Variants in SERPINB1 observed in about 807,000 individuals in gnomAD.
SERPINB1 encodes serpin family B member 1.
Under a neutral mutation model 25.9 loss-of-function variants are expected in SERPINB1, and 23 were observed. That is an observed-to-expected ratio of 0.89 (90% CI 0.64 to 1.26). SERPINB1 has a LOEUF of 1.26. SERPINB1 is among the 50% of genes most tolerant of loss of function. SERPINB1 has a pLI of 0.00. For missense variants in SERPINB1, 399 were observed against 463.6 expected (o/e 0.86, Z 1.28); for synonymous variants, 178 against 178.7 (o/e 1.00, Z 0.03).
intron 6 of SERPINB1, among the ~76,000 whole-genome samples, chr6:2,835,078 A>C (rs191271424): frequency 3.2e-4 from 48 of 152,356 alleles, no homozygotes; most frequent in Non-Finnish European, 5.0e-4. Flanking sequence ...ACAATGTATT[A>C]AAAGTCTGTA....
chr6:2,837,967 A>C lies in SERPINB1; in HGVS notation c.339T>G (p.Gly113=), dbSNP rs768545231. 12 of 1,613,796 alleles carry C rather than the reference A, an allele frequency of 7.4e-6. No individual in the cohort carries two copies. In the East Asian group the frequency reaches 1.3e-4, roughly 18 times the overall value. ...GAAAATCCACACTGGCCAGGTCAGC[A>C]CCATATGTTTTCTGAGTCGAAACCA... ...EFLVSTQKTY[G]ADLASVDFQH... is the part of the protein sequence containing the mutation. Residue 113 remains glycine, a synonymous_variant, in exon 4 of 7, where the codon GGT becomes GGG. Transcript: ENST00000380739. The surrounding 1 kb of genome is among the most constrained non-coding windows in gnomAD (Gnocchi z 4.3).
intron 3 of SERPINB1, 148 bp from the exon 4 acceptor site, chr6:2,838,147 T>C (rs1161386115): frequency 1.6e-5 from 10 of 618,146 alleles, no homozygotes; most frequent in Non-Finnish European, 2.5e-5. Context: ...GTTTTTCTTA[T>C]AGTAGTAAAA....
chr6:2,837,786 G>T lies in SERPINB1; in HGVS notation c.424+96C>A. 1.1e-6 allele frequency: 1 copy of T among 900,272 alleles called. No homozygotes were observed. The highest frequency in any genetic ancestry group is 1.4e-5 in the South Asian group (1 of 71,504). 55.8% of individuals were successfully genotyped at this position (900,272 alleles called of 1,614,324 possible). A position where few individuals can be genotyped will look rare whatever the true frequency, so the allele number is the denominator to read the frequency against. On this transcript the variant is annotated intron_variant, in intron 4 of 6. Coordinates refer to ENST00000380739, the MANE Select transcript of SERPINB1 (RefSeq NM_030666.4). The surrounding 1 kb of genome is among the most constrained non-coding windows in gnomAD (Gnocchi z 4.3). ...ACCACGATGTGCGCCAGGACTGTGGGAGCTGGGGAGGGAATAACTGCAGGT... is the reference window on the plus strand; with the variant it reads ...ACCACGATGTGCGCCAGGACTGTGGTAGCTGGGGAGGGAATAACTGCAGGT...
At chr6:2,834,851 G>T (rs1189191408) in intron 6 of SERPINB1, among the ~76,000 whole-genome samples, 1 of 152,178 alleles carries the variant, frequency 6.6e-6, no homozygotes, top group Non-Finnish European at 1.5e-5. Flanking sequence ...AGCATTAAAT[G>T]AAATGATGTA....
chr6:2,837,746 C>T lies in SERPINB1; in HGVS notation c.424+136G>A. On this transcript the variant is annotated intron_variant, in intron 4 of 6. Coordinates refer to ENST00000380739, the MANE Select transcript of SERPINB1 (RefSeq NM_030666.4). This position sits in a 1 kb window ranked among gnomAD's most constrained non-coding sequence, Gnocchi z 4.3. ...CAGTGCAGACTTCACGCACCGGCAG[C>T]GTCCTCTGACTGTAACCACGATGTG... is the stretch of plus-strand genomic sequence containing the variant. The T allele has an allele frequency of 4.3e-6, 3 of 703,956 alleles. No homozygotes were observed. The highest frequency in any genetic ancestry group is 5.1e-6 in the Non-Finnish European group (2 of 393,816). The allele number at this position is 703,956 out of a possible 1,614,324, so 43.6% of individuals were successfully genotyped here.
At chr6:2,838,368 A>G (rs1336985238) in intron 3 of SERPINB1, among the ~76,000 whole-genome samples, 181 bp downstream of exon 3, 1 of 152,196 alleles carries the variant, frequency 6.6e-6, no homozygotes, top group Non-Finnish European at 1.5e-5. Flanking sequence ...CAAAATCACC[A>G]TGTCAATTAA....
rs148674225 is a variant in SERPINB1 at position 2,841,041 on chromosome 6, C to CT, written c.-8-448dup. On this transcript the variant is annotated intron_variant, in intron 1 of 6. Coordinates refer to ENST00000380739, the MANE Select transcript of SERPINB1 (RefSeq NM_030666.4). This position sits in a 1 kb window ranked among gnomAD's most constrained non-coding sequence, Gnocchi z 4.5. The stretch of plus-strand genomic sequence containing the variant: ...AATCCATTGCCTACCTTCACCTGAA[C>CT]TAAGAGCCTTCTATCAGAGACTCAG... 0.014 allele frequency among the ~76,000 whole-genome samples: 2,070 copies of CT among 152,334 alleles called. 48 individuals are homozygous for CT. The highest frequency in any genetic ancestry group is 0.047 in the African/African-American group (1,944 of 41,566).
At position 2,837,904 on chromosome 6, in the gene SERPINB1, C is replaced by A; in HGVS notation, c.402G>T (p.Gln134His). 1 of 1,613,836 alleles carries A rather than the reference C, an allele frequency of 6.2e-7. No individual in the cohort carries two copies. Among genetic ancestry groups the A allele is most frequent in the South Asian group, 1.1e-5 (1 of 91,078 alleles). The change falls in exon 4 of 7, where the codon CAG (glutamine) becomes CAT (histidine). Residue 134 changes from glutamine (Q) to histidine (H), a missense_variant. By Grantham distance (24) the Gln-to-His change is conservative. Coordinates refer to ENST00000380739, the MANE Select transcript of SERPINB1 (RefSeq NM_030666.4). The surrounding 1 kb of genome is among the most constrained non-coding windows in gnomAD (Gnocchi z 4.3). The stretch of plus-strand genomic sequence containing the variant: ...CACCTTCTGTCTGTCCTTTGACCCA[C>A]TGGTTTATGGTCTTCCTTGCATCTT... ...ASEDARKTIN[Q>H]WVKGQTEGKI...
At chr6:2,838,438 T>A in intron 3 of SERPINB1, 111 bp downstream of exon 3, 1 of 1,060,264 alleles carries the variant, frequency 9.4e-7, no homozygotes, top group South Asian at 2.6e-5. Flanking sequence ...CCTTCTGTAT[T>A]GTTTTTCTGA....
At chr6:2,836,344 A>T (rs1311019320) in intron 4 of SERPINB1, 94 bp from the exon 5 acceptor site, 4 of 1,265,488 alleles carry the variant, frequency 3.2e-6, no homozygotes, top group Non-Finnish European at 4.3e-6. Context: ...ATTCAAATAT[A>T]TAATTTCTAC....
intron 6 of SERPINB1, 119 bp from the exon 7 acceptor site, chr6:2,834,131 T>C (rs1372967755): frequency 4.2e-6 from 4 of 948,966 alleles, no homozygotes; most frequent in Non-Finnish European, 6.0e-6. Flanking sequence ...CCTTCATGTT[T>C]TGTGCCAAAA....
chr6:2,833,658 G>T lies in SERPINB1; in HGVS notation c.1090C>A (p.His364Asn), dbSNP rs1314369427. 1.2e-6 allele frequency: 2 copies of T among 1,614,052 alleles called. No homozygotes were observed. The highest frequency in any genetic ancestry group is 4.5e-5 in the East Asian group (2 of 44,888). The change falls in exon 7 of 7, where the codon CAT (histidine) becomes AAT (asparagine). Residue 364 changes from histidine (H) to asparagine (N), a missense_variant. Coordinates refer to ENST00000380739, the MANE Select transcript of SERPINB1 (RefSeq NM_030666.4). ...AATAGGATGCTACCTGAGGAATTAT[G>T]CCGAATAAAGAAAAGGAATGGATGG... ...ADHPFLFFIR[H>N]NSSGSILFLG... is the part of the protein sequence containing the mutation.
chr6:2,836,392 C>G (rs972284764), intron 4 of SERPINB1, 142 bp from the exon 5 acceptor site: 1 of 925,912 alleles, frequency 1.1e-6, no homozygotes, highest in African/African-American at 1.7e-5. Context: ...TTAGGAAAGC[C>G]CTACTCACTA....
chr6:2,840,524 C>A lies in SERPINB1; in HGVS notation c.63G>T (p.Glu21Asp), dbSNP rs149925373. 2.5e-6 allele frequency: 4 copies of A among 1,614,066 alleles called. No homozygotes were observed. The African/African-American group carries it at 5.3e-5, about 22-fold the overall frequency. The change falls in exon 2 of 7, where the codon GAG becomes GAT. Residue 21 changes from glutamate (E) to aspartate (D), a missense_variant. Coordinates refer to ENST00000380739, the MANE Select transcript of SERPINB1 (RefSeq NM_030666.4). ...TGAAGATGTTTCCAGCCGGATTGTTCTCACTCAACGCCAGGAACAGGTCCA... is the reference window on the plus strand; with the variant it reads ...TGAAGATGTTTCCAGCCGGATTGTTATCACTCAACGCCAGGAACAGGTCCA... ...FALDLFLALS[E>D]NNPAGNIFIS...
Position 2,833,960 on chromosome 6 carries a change from T to G in SERPINB1, c.788A>C (p.Asn263Thr), listed in dbSNP as rs148153311. ...GACATTAACTTCAATGAAATCGAGA[T>G]TCTCAGGTTTAGTCCACTCATGCAA... ...EKLHEWTKPE[N>T]LDFIEVNVSL... is the part of the protein sequence containing the mutation. The change falls in exon 7 of 7, where the codon AAT (asparagine) becomes ACT (threonine). Residue 263 changes from asparagine to threonine, a missense_variant. By Grantham distance (65) the Asn-to-Thr change is moderately conservative (BLOSUM62 0). Coordinates refer to ENST00000380739, the MANE Select transcript of SERPINB1 (RefSeq NM_030666.4). 34 of 1,613,354 alleles carry G rather than the reference T, an allele frequency of 2.1e-5. No homozygotes were observed. The African/African-American group carries it at 4.3e-4, about 20-fold the overall frequency.
At position 2,840,450 on chromosome 6, in the gene SERPINB1, G is replaced by A. The variant is rs141303024; in HGVS notation, c.137C>T (p.Thr46Ile). The A allele has an allele frequency of 1.1e-5, 18 of 1,613,858 alleles. No individual in the cohort carries two copies. The highest frequency in any genetic ancestry group is 6.7e-5 in the African/African-American group (5 of 74,874). ...SSAMAMVFLG[T>I]RGNTAAQLSK... ...CAGCTGTGCTGCCGTGTTACCTCTG[G>A]TCCCCAGAAAAACCATGGCCATAGC... The change falls in exon 2 of 7, where the codon ACC becomes ATC. Residue 46 changes from threonine to isoleucine, a missense_variant. By Grantham distance (89) the Thr-to-Ile change is moderately conservative. Transcript: ENST00000380739.
chr6:2,840,452 C>G lies in SERPINB1; in HGVS notation c.135G>C (p.Gly45=). 1 of 1,613,992 alleles carries G rather than the reference C, an allele frequency of 6.2e-7. No individual in the cohort carries two copies. Among genetic ancestry groups the G allele is most frequent in the Non-Finnish European group, 8.5e-7 (1 of 1,179,994 alleles). Residue 45 remains glycine, a synonymous_variant, in exon 2 of 7, where the codon GGG becomes GGC. Transcript: ENST00000380739. Reference sequence around the variant, plus strand: ...GCTGTGCTGCCGTGTTACCTCTGGTCCCCAGAAAAACCATGGCCATAGCAG... The same window carrying G: ...GCTGTGCTGCCGTGTTACCTCTGGTGCCCAGAAAAACCATGGCCATAGCAG... ...ISSAMAMVFL[G]TRGNTAAQLS...
chr6:2,840,321 A>G (rs1014013577), intron 2 of SERPINB1, 98 bp downstream of exon 2: 2 of 1,407,368 alleles, frequency 1.4e-6, no homozygotes, highest in Non-Finnish European at 2.0e-6. Flanking sequence ...AGTTCTGAAA[A>G]CACAAGGTAA....
chr6:2,835,832 A>T (rs1766471311), intron 6 of SERPINB1, 24 bp downstream of exon 6: 1 of 1,594,000 alleles, frequency 6.3e-7, no homozygotes, highest in African/African-American at 1.4e-5. Context: ...AGGAACCACA[A>T]AGCATGAAGC....
Sources: allele counts gnomAD v4.1 joint callset (sites outside exome capture counted in the v4.1 genomes callset), GRCh38; gene constraint gnomAD v4.1.1; non-coding constraint Gnocchi (gnomAD v3.1); transcripts MANE v1.5; gene names NCBI Gene and HGNC (gene_info 2026-07-23, HGNC 2026-07-21).